Variants in ACOT4 observed in about 807,000 individuals in gnomAD.
ACOT4 encodes peroxisomal succinyl-coenzyme A thioesterase.
In ACOT4, 18 loss-of-function variants were observed where a neutral mutation model predicts 17.1. That is an observed-to-expected ratio of 1.05 (90% CI 0.73 to 1.56). The LOEUF is 1.56. Ranked by LOEUF, ACOT4 falls within the 40% of genes most tolerant of loss-of-function variation. The pLI, the probability that ACOT4 is intolerant of heterozygous loss-of-function variation, is 0.00. For synonymous variants in ACOT4, 234 were observed against 236.6 expected (o/e 0.99, Z 0.10); for missense variants, 574 against 557.2 (o/e 1.03, Z -0.30).
Position 73,592,222 on chromosome 14 carries a change from A to G in ACOT4, c.263A>G (p.Lys88Arg). The G allele has an allele frequency of 6.2e-7, 1 of 1,613,042 alleles. No homozygotes were observed. Among genetic ancestry groups the G allele is most frequent in the Non-Finnish European group, 8.5e-7 (1 of 1,179,408 alleles). Residue 88 changes from lysine to arginine, a missense_variant, in exon 1 of 3, where the codon AAG becomes AGG. Lys to Arg is a conservative substitution (Grantham distance 26, BLOSUM62 2). Coordinates refer to ENST00000326303, the MANE Select transcript of ACOT4 (RefSeq NM_152331.4). ...CTGCTCTGGGCCCTGGAACCCGAGA[A>G]GCCTTTTTGGCGCTTCCTGAAGCGG... ...MGLLWALEPE[K>R]PFWRFLKRDV...
chr14:73,592,679 G>C (rs4899473), intron 1 of ACOT4, among the ~76,000 whole-genome samples: 121,862 of 151,928 alleles, frequency 0.8, 49,703 homozygotes, highest in African/African-American at 0.95. Context: ...ATGGTGAAAC[G>C]CTGACTCTAC....
chr14:73,593,726 T>C lies in ACOT4; in HGVS notation c.482T>C (p.Ile161Thr), dbSNP rs760025735. Reference protein sequence around the residue: ...PPGPGPFPGIIDIFGIGGGLL... With the variant: ...PPGPGPFPGITDIFGIGGGLL... Reference sequence around the variant, plus strand: ...GGACCTGGACCCTTCCCAGGGATCATTGACATCTTTGGTATTGGAGGGGGC... The same window carrying C: ...GGACCTGGACCCTTCCCAGGGATCACTGACATCTTTGGTATTGGAGGGGGC... Residue 161 changes from isoleucine (I) to threonine (T), a missense_variant, in exon 2 of 3, where the codon ATT becomes ACT. By Grantham distance (89) the Ile-to-Thr change is moderately conservative. Coordinates refer to ENST00000326303, the MANE Select transcript of ACOT4 (RefSeq NM_152331.4). 9 of 1,612,828 alleles carry C rather than the reference T, an allele frequency of 5.6e-6. No homozygotes were observed. The highest frequency in any genetic ancestry group is 1.3e-5 in the African/African-American group (1 of 75,032).
Position 73,592,156 on chromosome 14 carries a change from C to T in ACOT4, c.197C>T (p.Pro66Leu). The T allele has an allele frequency of 6.3e-7, 1 of 1,597,638 alleles. No individual in the cohort carries two copies. Residue 66 changes from proline (P) to leucine (L), a missense_variant, in exon 1 of 3, where the codon CCC becomes CTC. Pro to Leu is a moderately conservative substitution (Grantham distance 98). Transcript: ENST00000326303. ...GGCGAGCTGGACCTGGAGCGCGCACCCGCGCTGGGCGGCAGCTTCGCGGGA... is the reference window on the plus strand; with the variant it reads ...GGCGAGCTGGACCTGGAGCGCGCACTCGCGCTGGGCGGCAGCTTCGCGGGA... ...ARGELDLERA[P>L]ALGGSFAGLE...
rs376379028 is a variant in ACOT4, at chr14:73,592,150, G to T, written c.191G>T (p.Arg64Leu). Reference sequence around the variant, plus strand: ...GCCCGCGGCGAGCTGGACCTGGAGCGCGCACCCGCGCTGGGCGGCAGCTTC... The same window carrying T: ...GCCCGCGGCGAGCTGGACCTGGAGCTCGCACCCGCGCTGGGCGGCAGCTTC... ...ADARGELDLE[R>L]APALGGSFAG... The change falls in exon 1 of 3, where the codon CGC (arginine) becomes CTC (leucine). Residue 64 changes from arginine (R) to leucine (L), a missense_variant. Physicochemically the swap from Arg to Leu is moderately radical, Grantham distance 102. Transcript: ENST00000326303. 5 of 1,593,854 alleles carry T rather than the reference G, an allele frequency of 3.1e-6. No homozygotes were observed. Among genetic ancestry groups the T allele is most frequent in the Non-Finnish European group, 4.3e-6 (5 of 1,171,534 alleles).
rs199992405 is a variant in ACOT4 at position 73,592,309 on chromosome 14, G to T, written c.350G>T (p.Gly117Val). 6.2e-7 allele frequency: 1 copy of T among 1,611,202 alleles called. No homozygotes were observed. Among genetic ancestry groups the T allele is most frequent in the East Asian group, 2.2e-5 (1 of 44,772 alleles). The change falls in exon 1 of 3, where the codon GGA becomes GTA. Residue 117 changes from glycine (G) to valine (V), a missense_variant. Transcript: ENST00000326303. ...EVLDGHDPEP[G>V]RLLCQAQHER... is the part of the protein sequence containing the mutation. ...CTGGACGGCCACGACCCCGAGCCTGGACGGCTGCTGTGCCAGGCGCAGCAC... is the reference window on the plus strand; with the variant it reads ...CTGGACGGCCACGACCCCGAGCCTGTACGGCTGCTGTGCCAGGCGCAGCAC...
At chr14:73,593,477 T>G (rs1328068246) in intron 1 of ACOT4, among the ~76,000 whole-genome samples, 1 of 150,216 alleles carries the variant, frequency 6.7e-6, no homozygotes, top group African/African-American at 2.5e-5. Context: ...TAGCTAGGAC[T>G]ACAGGCATAC....
At position 73,592,008 on chromosome 14, in the gene ACOT4, G is replaced by A. The variant is rs913842380; in HGVS notation, c.49G>A (p.Glu17Lys). ...LEPPGRCCWN[E>K]PVRIAVRGLA... is the part of the protein sequence containing the mutation. ...GCCCCCAGGCCGCTGCTGCTGGAAC[G>A]AGCCGGTGCGCATTGCCGTGCGCGG... is the stretch of plus-strand genomic sequence containing the variant. Residue 17 changes from glutamate to lysine, a missense_variant, in exon 1 of 3, where the codon GAG becomes AAG. Glu to Lys is a moderately conservative substitution (Grantham distance 56, BLOSUM62 1). Transcript: ENST00000326303. 1 of 1,430,504 alleles carries A rather than the reference G, an allele frequency of 7.0e-7. No homozygotes were observed. The highest frequency in any genetic ancestry group is 9.1e-7 in the Non-Finnish European group (1 of 1,094,536). 88.6% of individuals were successfully genotyped at this position (1,430,504 alleles called of 1,614,324 possible).
chr14:73,592,795 G>A (rs1890177231), intron 1 of ACOT4, among the ~76,000 whole-genome samples: 3 of 152,204 alleles, frequency 2.0e-5, no homozygotes, highest in Admixed American at 2.0e-4. Flanking sequence ...GGAGGTTGCA[G>A]TGAGCCGAGA....
In ACOT4 at chr14:73,591,876, C is replaced by T; in HGVS notation, c.-84C>T. On this transcript the variant is annotated 5_prime_UTR_variant, in exon 1 of 3. It adds an upstream start codon to the 5' untranslated region. Transcript: ENST00000326303. ...GCTTCCGGCACCAGGGGACGCCGGA[C>T]GCCGTCCGGACATTCGGCGCGCTTG... The T allele has an allele frequency of 7.8e-7, 1 of 1,277,922 alleles. No homozygotes were observed. The highest frequency in any genetic ancestry group is 2.5e-5 in the South Asian group (1 of 40,462). 79.2% of individuals were successfully genotyped at this position (1,277,922 alleles called of 1,614,324 possible).
chr14:73,593,906 T>C lies in ACOT4; in HGVS notation c.660+2T>C. 6.2e-7 allele frequency: 1 copy of C among 1,609,182 alleles called. No individual in the cohort carries two copies. Among genetic ancestry groups the C allele is most frequent in the Non-Finnish European group, 8.5e-7 (1 of 1,176,758 alleles). On this transcript the variant is annotated splice_donor_variant, in intron 2 of 2. Transcript: ENST00000326303. LOFTEE classifies it high-confidence loss of function. Reference sequence around the variant, plus strand: ...TGCTACATGCTTCAACATCCCCAGGTTCTCCTCATGTCCTTTATTTAATCA... The same window carrying C: ...TGCTACATGCTTCAACATCCCCAGGCTCTCCTCATGTCCTTTATTTAATCA...
Position 73,591,946 on chromosome 14 carries a change from G to A in ACOT4, c.-14G>A, listed in dbSNP as rs1487625199. Reference sequence around the variant, plus strand: ...TCGGGCCTCGACCTTTGAATTCCCCGCTCCGGCTCCAAGATGTCAGCAACG... The same window carrying A: ...TCGGGCCTCGACCTTTGAATTCCCCACTCCGGCTCCAAGATGTCAGCAACG... On this transcript the variant is annotated 5_prime_UTR_variant, in exon 1 of 3. Transcript: ENST00000326303. 4.4e-6 allele frequency: 6 copies of A among 1,361,478 alleles called. No individual in the cohort carries two copies. The highest frequency in any genetic ancestry group is 5.7e-6 in the Non-Finnish European group (6 of 1,055,902). 84.3% of individuals were successfully genotyped at this position (1,361,478 alleles called of 1,614,324 possible). A position where few individuals can be genotyped will look rare whatever the true frequency, so the allele number is the denominator to read the frequency against.
At position 73,595,101 on chromosome 14, in the gene ACOT4, G is replaced by T. The variant is rs1479413058; in HGVS notation, c.713G>T (p.Cys238Phe). 6.8e-6 allele frequency: 11 copies of T among 1,614,108 alleles called. No individual in the cohort carries two copies. Among genetic ancestry groups the T allele is most frequent in the Non-Finnish European group, 9.3e-6 (11 of 1,180,020 alleles). The change falls in exon 3 of 3, where the codon TGT (cysteine) becomes TTT (phenylalanine). Residue 238 changes from cysteine (C) to phenylalanine (F), a missense_variant. Cys to Phe is a radical substitution (Grantham distance 205). Transcript: ENST00000326303. The part of the protein sequence containing the change: ...LLGISLGADI[C>F]LSMASFLKNV... ...GGCATTTCTCTAGGAGCTGATATTT[G>T]TCTCTCAATGGCCTCATTCTTGAAG... is the stretch of plus-strand genomic sequence containing the variant.
chr14:73,595,235 A>C lies in ACOT4; in HGVS notation c.847A>C (p.Lys283Gln), dbSNP rs773390740. The C allele has an allele frequency of 1.2e-6, 2 of 1,614,208 alleles. No homozygotes were observed. Among genetic ancestry groups the C allele is most frequent in the South Asian group, 2.2e-5 (2 of 91,086 alleles). The stretch of plus-strand genomic sequence containing the variant: ...ATTGGGCTATGACCTGAGGAGAATC[A>C]AGGTAGCTTTCTCAGGCCTCGTGGA... Reference protein sequence around the residue: ...PPLGYDLRRIKVAFSGLVDIV... With the variant: ...PPLGYDLRRIQVAFSGLVDIV... Residue 283 changes from lysine to glutamine, a missense_variant, in exon 3 of 3, where the codon AAG becomes CAG. Physicochemically the swap from Lys to Gln is moderately conservative, Grantham distance 53 (BLOSUM62 1). Transcript: ENST00000326303.
chr14:73,591,912 G>T lies in ACOT4; in HGVS notation c.-48G>T. The T allele has an allele frequency of 3.0e-6, 4 of 1,344,094 alleles. No individual in the cohort carries two copies. The South Asian group carries it at 8.2e-5, about 28-fold the overall frequency. The allele number at this position is 1,344,094 out of a possible 1,614,324, so 83.3% of individuals were successfully genotyped here. On this transcript the variant is annotated 5_prime_UTR_variant, in exon 1 of 3. Coordinates refer to ENST00000326303, the MANE Select transcript of ACOT4 (RefSeq NM_152331.4). ...CATTCGGCGCGCTTGCCACGATCTTGGACGGGTCTCGGGCCTCGACCTTTG... is the reference window on the plus strand; with the variant it reads ...CATTCGGCGCGCTTGCCACGATCTTTGACGGGTCTCGGGCCTCGACCTTTG...
At position 73,591,921 on chromosome 14, in the gene ACOT4, T is replaced by C; in HGVS notation, c.-39T>C. ...CGCTTGCCACGATCTTGGACGGGTC[T>C]CGGGCCTCGACCTTTGAATTCCCCG... On this transcript the variant is annotated 5_prime_UTR_variant, in exon 1 of 3. Coordinates refer to ENST00000326303, the MANE Select transcript of ACOT4 (RefSeq NM_152331.4). 7.4e-7 allele frequency: 1 copy of C among 1,352,364 alleles called. No homozygotes were observed. Among genetic ancestry groups the C allele is most frequent in the Non-Finnish European group, 9.5e-7 (1 of 1,050,520 alleles). The allele number at this position is 1,352,364 out of a possible 1,614,324, so 83.8% of individuals were successfully genotyped here.
Position 73,591,950 on chromosome 14 carries a change from C to T in ACOT4, c.-10C>T. 1.5e-6 allele frequency: 2 copies of T among 1,363,384 alleles called. No individual in the cohort carries two copies. The highest frequency in any genetic ancestry group is 1.9e-5 in the South Asian group (1 of 53,412). The allele number at this position is 1,363,384 out of a possible 1,614,324, so 84.5% of individuals were successfully genotyped here. On this transcript the variant is annotated 5_prime_UTR_variant, in exon 1 of 3. Transcript: ENST00000326303. ...GCCTCGACCTTTGAATTCCCCGCTC[C>T]GGCTCCAAGATGTCAGCAACGCTGA...
Position 73,595,169 on chromosome 14 carries a change from G to T in ACOT4, c.781G>T (p.Gly261Trp). ...TVSINGSGISGNTAINYKHSS... is the reference protein window; with the variant it reads ...TVSINGSGISWNTAINYKHSS... ...TTCCATCAATGGATCTGGGATCAGT[G>T]GGAACACAGCCATCAACTATAAGCA... Residue 261 changes from glycine to tryptophan, a missense_variant, in exon 3 of 3, where the codon GGG (glycine) becomes TGG (tryptophan). Physicochemically the swap from Gly to Trp is radical, Grantham distance 184. Coordinates refer to ENST00000326303, the MANE Select transcript of ACOT4 (RefSeq NM_152331.4). 1 of 1,614,232 alleles carries T rather than the reference G, an allele frequency of 6.2e-7. No individual in the cohort carries two copies. Among genetic ancestry groups the T allele is most frequent in the Non-Finnish European group, 8.5e-7 (1 of 1,180,038 alleles).
chr14:73,593,329 TTTC>T (rs1890185656), intron 1 of ACOT4, among the ~76,000 whole-genome samples: 1 of 130,146 alleles, frequency 7.7e-6, no homozygotes. Flanking sequence ...TTTTCTTTTC[TTTC>T]TTTCTTTTTT....
chr14:73,595,607 T>G lies in ACOT4; in HGVS notation c.1219T>G (p.Cys407Gly). The change falls in exon 3 of 3, where the codon TGC (cysteine) becomes GGC (glycine). Residue 407 changes from cysteine (C) to glycine (G), a missense_variant. Physicochemically the swap from Cys to Gly is radical, Grantham distance 159. Coordinates refer to ENST00000326303, the MANE Select transcript of ACOT4 (RefSeq NM_152331.4). ...CTGGAAGCAAATTCTAGCCTTCTTC[T>G]GCAAACACCTGGGAGGTACCCAGAA... ...DAWKQILAFF[C>G]KHLGGTQKTA... The G allele has an allele frequency of 6.4e-7, 1 of 1,559,332 alleles. No individual in the cohort carries two copies. Among genetic ancestry groups the G allele is most frequent in the Non-Finnish European group, 8.7e-7 (1 of 1,150,640 alleles).
Sources: gnomAD v4.1 joint callset for allele counts (sites outside exome capture counted in the v4.1 genomes callset) on GRCh38, gnomAD v4.1.1 for gene constraint, MANE v1.5 for transcripts, NCBI Gene and HGNC (gene_info 2026-07-23, HGNC 2026-07-21) for gene names.